MCF2L: variants seen among roughly 807,000 people sequenced by gnomAD.
MCF2L encodes the protein guanine nucleotide exchange factor DBS.
A neutral mutation model predicts 153.4 loss-of-function variants in MCF2L; 97 were observed. That is an observed-to-expected ratio of 0.63 (90% confidence interval 0.54 to 0.75). MCF2L has a LOEUF of 0.75. Ranked by LOEUF, MCF2L falls within the 30% of genes least tolerant of loss-of-function variation. MCF2L has a pLI of 0.00. For synonymous variants in MCF2L, 659 were observed against 632.2 expected (o/e 1.04, Z -0.64); for missense variants, 1,347 against 1,495.2 (o/e 0.90, Z 1.64).
Position 113,045,566 on chromosome 13 carries a change from A to C in MCF2L, c.369+205A>C, listed in dbSNP as rs969062387. Reference sequence around the variant, plus strand: ...GCCTGGGTGTGAGTTTTCCCAGATGAAGGAACTCTTAGGGAGCCCAATGTG... The same window carrying C: ...GCCTGGGTGTGAGTTTTCCCAGATGCAGGAACTCTTAGGGAGCCCAATGTG... On this transcript the variant is annotated intron_variant, in intron 4 of 29. Transcript: ENST00000535094. This position sits in a 1 kb window ranked among gnomAD's most constrained non-coding sequence, Gnocchi z 4.2. The C allele has an allele frequency of 5.4e-5, 32 of 591,650 alleles. No homozygotes were observed. The highest frequency in any genetic ancestry group is 3.8e-4 in the Admixed American group (13 of 34,174). 36.7% of individuals were successfully genotyped at this position (591,650 alleles called of 1,614,324 possible). A position where few individuals can be genotyped will look rare whatever the true frequency, so the allele number is the denominator to read the frequency against.
Position 113,021,727 on chromosome 13 carries a change from G to A in MCF2L, c.164-2917G>A, listed in dbSNP as rs555655570. 4.6e-5 allele frequency among the ~76,000 whole-genome samples: 7 copies of A among 152,358 alleles called. No individual in the cohort carries two copies. The South Asian group carries it at 1.2e-3, about 27-fold the overall frequency. ...GGCTGTGCCCCCAGCTCCGCGTCCA[G>A]CGGTGTTTTGCTGCCTCATAACCTG... On this transcript the variant is annotated intron_variant, in intron 2 of 29. Coordinates refer to ENST00000535094, the MANE Select transcript of MCF2L (RefSeq NM_001112732.3).
At chr13:112,968,990 G>A (rs2081950937), upstream of MCF2L, among the ~76,000 whole-genome samples, 1 of 151,488 alleles carries the variant, frequency 6.6e-6, no homozygotes. Context: ...GGTGACCGCG[G>A]CGGTGACCCG....
At chr13:112,987,820 C>T (rs967591775) in intron 1 of MCF2L, among the ~76,000 whole-genome samples, 4 of 152,212 alleles carry the variant, frequency 2.6e-5, no homozygotes, top group Admixed American at 6.5e-5. Flanking sequence ...TCGCTGTGGG[C>T]GGACAGTGAT....
At chr13:112,958,127 C>A (rs951226754) in intron 2 of MCF2L, 8 of 152,224 alleles carry the variant, frequency 5.3e-5, no homozygotes, top group African/African-American at 1.9e-4. Flanking sequence ...CCTCTTGTGC[C>A]AACAAATAAA....
At chr13:112,968,708 G>C, upstream of MCF2L, 1 of 1,410,246 alleles carries the variant, frequency 7.1e-7, no homozygotes, top group Non-Finnish European at 9.2e-7. Flanking sequence ...CCACGGGGCG[G>C]CCGGAGGTAA....
chr13:113,066,300 G>A, intron 8 of MCF2L, 130 bp downstream of exon 8: 2 of 1,124,894 alleles, frequency 1.8e-6, no homozygotes, highest in Non-Finnish European at 2.4e-6. Flanking sequence ...CCCACTCCTG[G>A]CCAGGGCCAG....
intron 3 of MCF2L, among the ~76,000 whole-genome samples, chr13:113,032,092 A>T (rs567873734): frequency 6.6e-6 from 1 of 152,304 alleles, no homozygotes; most frequent in African/African-American, 2.4e-5. Context: ...GAATGTAATC[A>T]TTAGGCTTCC....
upstream of MCF2L, among the ~76,000 whole-genome samples, chr13:112,966,387 G>A (rs2081893478): frequency 6.6e-6 from 1 of 152,178 alleles, no homozygotes; most frequent in Admixed American, 6.5e-5. The surrounding 1 kb of genome is among the most constrained non-coding windows in gnomAD (Gnocchi z 4.1). Context: ...CTCTTCCTCA[G>A]GGAACCTCTG....
At chr13:113,013,894 T>C (rs897956247) in intron 1 of MCF2L, among the ~76,000 whole-genome samples, 77 of 152,170 alleles carry the variant, frequency 5.1e-4, no homozygotes, top group Non-Finnish European at 2.4e-4. Flanking sequence ...CTGGAGGGTC[T>C]TGCTGGCCCC....
intron 20 of MCF2L, 109 bp from the exon 21 acceptor site, chr13:113,086,015 G>A (rs972845970): frequency 8.3e-7 from 1 of 1,210,988 alleles, no homozygotes; most frequent in Admixed American, 2.8e-5. Context: ...CACAGACCAG[G>A]GGAGGGTGAG....
chr13:112,921,071 G>A (rs920613535), intron 2 of MCF2L, among the ~76,000 whole-genome samples: 2 of 152,036 alleles, frequency 1.3e-5, no homozygotes, highest in Admixed American at 6.5e-5. Flanking sequence ...CAGCTACTCG[G>A]GAGGCTGAGT....
At chr13:112,899,123 G>C (rs138852319) in intron 1 of MCF2L, among the ~76,000 whole-genome samples, 1 of 152,246 alleles carries the variant, frequency 6.6e-6, no homozygotes, top group South Asian at 2.1e-4. Context: ...AACGAGGACC[G>C]AGCAAACGAG....
chr13:112,906,321 C>T (rs909097394), intron 2 of MCF2L, among the ~76,000 whole-genome samples: 3 of 152,212 alleles, frequency 2.0e-5, no homozygotes, highest in African/African-American at 7.2e-5. Flanking sequence ...TGTAAGCTGA[C>T]TCACTCCACT....
chr13:113,044,624 G>A, intron 3 of MCF2L: 1 of 1,594,324 alleles, frequency 6.3e-7, no homozygotes, highest in Non-Finnish European at 8.5e-7. Context: ...CCACGGAAGA[G>A]GGCTCTCCGC....
chr13:113,026,708 G>GC (rs1228228010), intron 3 of MCF2L, among the ~76,000 whole-genome samples: 1 of 152,252 alleles, frequency 6.6e-6, no homozygotes, highest in Non-Finnish European at 1.5e-5. Flanking sequence ...TGGGGGCGTG[G>GC]CCGCCTCCTG....
chr13:112,914,262 C>T (rs538354136), intron 2 of MCF2L, among the ~76,000 whole-genome samples: 2 of 152,348 alleles, frequency 1.3e-5, no homozygotes, highest in African/African-American at 4.8e-5. Flanking sequence ...TCACACTTTC[C>T]TCCTTTTTTG....
chr13:113,049,623 G>A (rs1334561432), intron 4 of MCF2L, among the ~76,000 whole-genome samples: 6 of 152,162 alleles, frequency 3.9e-5, no homozygotes, highest in African/African-American at 1.4e-4. Flanking sequence ...CAGGCCAGCC[G>A]AGCCCTCAAG....
chr13:113,000,112 G>A (rs1285047751), intron 1 of MCF2L, among the ~76,000 whole-genome samples: 8 of 152,306 alleles, frequency 5.3e-5, no homozygotes, highest in East Asian at 1.9e-4. Flanking sequence ...GGCCTCCCCC[G>A]GGGCTCGTGT....
At position 113,082,420 on chromosome 13, in the gene MCF2L, C is replaced by T. The variant is rs374854399; in HGVS notation, c.1876-7C>T. On this transcript the variant is annotated splice_region_variant and splice_polypyrimidine_tract_variant and intron_variant, in intron 16 of 29. Transcript: ENST00000535094. ...GACCCCCGCCGACCTCTGCGCTCTCCCTGCAGGGCTACGCCGCGGAGATGG... is the reference window on the plus strand; with the variant it reads ...GACCCCCGCCGACCTCTGCGCTCTCTCTGCAGGGCTACGCCGCGGAGATGG... 3,318 of 1,600,226 alleles carry T rather than the reference C, an allele frequency of 2.1e-3. 100 individuals are homozygous for T. In the South Asian group the frequency reaches 0.035, roughly 17 times the overall value.
Sources: gnomAD v4.1 joint callset for allele counts (sites outside exome capture counted in the v4.1 genomes callset) on GRCh38, gnomAD v4.1.1 for gene constraint, Gnocchi (gnomAD v3.1) non-coding constraint, MANE v1.5 for transcripts, NCBI Gene and HGNC (gene_info 2026-07-23, HGNC 2026-07-21) for gene names.